SEPTIN14: variants seen among roughly 807,000 people sequenced by gnomAD.
SEPTIN14 encodes the protein septin 14.
A neutral mutation model predicts 53.6 loss-of-function variants in SEPTIN14; 40 were observed. The ratio of observed to expected loss-of-function variants is 0.75; its 90% CI spans 0.58 to 0.97. The LOEUF is 0.97. Among genes scored for constraint, SEPTIN14 ranks in the 50% least tolerant of loss-of-function variants. The pLI is 0.00. For missense variants in SEPTIN14, 471 were observed against 508.2 expected (o/e 0.93, Z 0.70); for synonymous variants, 138 against 166.8 (o/e 0.83, Z 1.33).
intron 9 of SEPTIN14, 61 bp downstream of exon 9, chr7:55,805,197 C>T (rs919039470): frequency 2.4e-5 from 35 of 1,448,378 alleles, no homozygotes; most frequent in Non-Finnish European, 3.2e-5. Flanking sequence ...GAGATTAAAA[C>T]CCCCAAATTA....
intron 9 of SEPTIN14, among the ~76,000 whole-genome samples, chr7:55,799,793 G>C (rs1483498895): frequency 6.6e-6 from 1 of 151,952 alleles, no homozygotes; most frequent in Non-Finnish European, 1.5e-5. Context: ...AGAACAGTAG[G>C]GGACTACTGT....
In SEPTIN14 at chr7:55,831,658, A is replaced by C. The variant is rs1281689729; in HGVS notation, c.720+2767T>G. ...AACTAAAGAGCACAGCAAAAGAAAT[A>C]ATCAACAGAGTAAACAGACAACCTA... On this transcript the variant is annotated intron_variant, in intron 6 of 9. Transcript: ENST00000388975. 7.9e-5 allele frequency among the ~76,000 whole-genome samples: 12 copies of C among 152,342 alleles called. No homozygotes were observed. In the South Asian group the frequency reaches 2.5e-3, roughly 32 times the overall value.
At chr7:55,798,266 T>A in intron 9 of SEPTIN14, 1 of 454,706 alleles carries the variant, frequency 2.2e-6, no homozygotes, top group Admixed American at 3.7e-5. Flanking sequence ...CTCATGAGCG[T>A]CCACCAGGTG....
chr7:55,820,743 C>A (rs541546389), intron 6 of SEPTIN14, among the ~76,000 whole-genome samples: 1 of 152,182 alleles, frequency 6.6e-6, no homozygotes, highest in Non-Finnish European at 1.5e-5. Context: ...AGTTCGAGAC[C>A]AGCCTTGCCA....
intron 6 of SEPTIN14, among the ~76,000 whole-genome samples, chr7:55,833,377 T>C (rs1450021092): frequency 6.7e-6 from 1 of 149,456 alleles, no homozygotes; most frequent in Non-Finnish European, 1.5e-5. Flanking sequence ...CACACACAAA[T>C]AGCAGAAGGA....
intron 6 of SEPTIN14, among the ~76,000 whole-genome samples, chr7:55,826,392 A>G (rs954539383): frequency 2.0e-5 from 3 of 152,220 alleles, no homozygotes; most frequent in African/African-American, 7.2e-5. Flanking sequence ...AAGACTATCA[A>G]TGGATTTCTC....
At chr7:55,804,621 T>C (rs1005750143) in intron 9 of SEPTIN14, among the ~76,000 whole-genome samples, 27 of 152,146 alleles carry the variant, frequency 1.8e-4, no homozygotes, top group African/African-American at 6.3e-4. Context: ...TAGCACCTAA[T>C]TACTACTATT....
chr7:55,823,998 T>C (rs1433332845), intron 6 of SEPTIN14, among the ~76,000 whole-genome samples: 1 of 152,014 alleles, frequency 6.6e-6, no homozygotes, highest in Non-Finnish European at 1.5e-5. Context: ...GTAAATTCTT[T>C]TATGCCTGCA....
chr7:55,838,998 T>C (rs538713648), intron 5 of SEPTIN14, among the ~76,000 whole-genome samples: 50 of 152,346 alleles, frequency 3.3e-4, no homozygotes, highest in Non-Finnish European at 4.7e-4. Flanking sequence ...CTTCTCACCC[T>C]GGATATGAAT....
chr7:55,804,206 G>A (rs1436629323), intron 9 of SEPTIN14, among the ~76,000 whole-genome samples: 1 of 146,278 alleles, frequency 6.8e-6, no homozygotes, highest in East Asian at 2.0e-4. Flanking sequence ...ATGTCATGAC[G>A]TACCCTTGTA....
At chr7:55,850,043 T>C (rs79722632) in intron 2 of SEPTIN14, among the ~76,000 whole-genome samples, 99 of 152,300 alleles carry the variant, frequency 6.5e-4, no homozygotes, top group African/African-American at 2.4e-3. Context: ...AAAGAAATCT[T>C]CAGGCCCTGC....
In SEPTIN14 at chr7:55,859,294, G is replaced by A. The variant is rs557846236; in HGVS notation, c.54+2649C>T. On this transcript the variant is annotated intron_variant, in intron 2 of 9. Transcript: ENST00000388975. ...GTTTTTTGGTATAGTATAAGATAAT[G>A]GTCCAATATCATTCTTTTGCATATA... Among the ~76,000 whole-genome samples the A allele has an allele frequency of 8.5e-5, 13 of 152,154 alleles. 1 individual carries two copies. The highest frequency in any genetic ancestry group is 2.9e-4 in the African/African-American group (12 of 41,524).
rs112357027 is a variant in SEPTIN14, at chr7:55,806,004, C to CT, written c.987-615dup. Reference sequence around the variant, plus strand: ...TTTTTGCAACACAAGTCCTATTCTTCTTTTTTTTTTGAGACAGAGTCTCTC... The same window carrying CT: ...TTTTTGCAACACAAGTCCTATTCTTCTTTTTTTTTTTGAGACAGAGTCTCTC... On this transcript the variant is annotated intron_variant, in intron 8 of 9. Coordinates refer to ENST00000388975, the MANE Select transcript of SEPTIN14 (RefSeq NM_207366.3). Among the ~76,000 whole-genome samples, 369 of 149,136 alleles carry CT rather than the reference C, an allele frequency of 2.5e-3. 2 individuals carry two copies. Among genetic ancestry groups the CT allele is most frequent in the African/African-American group, 7.2e-3 (292 of 40,824 alleles).
intron 6 of SEPTIN14, among the ~76,000 whole-genome samples, chr7:55,833,269 T>G (rs977313863): frequency 8.0e-5 from 12 of 149,432 alleles, no homozygotes; most frequent in Non-Finnish European, 1.6e-4. Context: ...GAGCTGAGAT[T>G]GCGCCACTGC....
At chr7:55,846,402 G>A in intron 3 of SEPTIN14, 115 bp downstream of exon 3, 2 of 728,788 alleles carry the variant, frequency 2.7e-6, no homozygotes, top group Non-Finnish European at 4.3e-6. Context: ...GAGAATCACT[G>A]TAAACATGAA....
intron 4 of SEPTIN14, 49 bp downstream of exon 4, chr7:55,844,474 T>C (rs771141003): frequency 1.8e-6 from 2 of 1,092,702 alleles, no homozygotes; most frequent in Non-Finnish European, 2.6e-6. Flanking sequence ...GGAAGTCAAA[T>C]TCCTTGAAAT....
Position 55,819,852 on chromosome 7 carries a change from A to C in SEPTIN14, c.721-629T>G, listed in dbSNP as rs143199915. Among the ~76,000 whole-genome samples, 169 of 152,318 alleles carry C rather than the reference A, an allele frequency of 1.1e-3. 2 individuals carry two copies. Among genetic ancestry groups the C allele is most frequent in the African/African-American group, 3.9e-3 (162 of 41,564 alleles). ...TTTACCCTGAACCATCTTTAACCTG[A>C]ATGTTGAAGAAATAACATGCAAATA... On this transcript the variant is annotated intron_variant, in intron 6 of 9. Transcript: ENST00000388975.
chr7:55,844,988 G>A (rs1789377941), intron 3 of SEPTIN14, among the ~76,000 whole-genome samples: 2 of 151,794 alleles, frequency 1.3e-5, no homozygotes, highest in African/African-American at 2.4e-5. Flanking sequence ...CATGACATGA[G>A]GGTTTGTTGT....
At chr7:55,829,074 A>G (rs1228411008) in intron 6 of SEPTIN14, among the ~76,000 whole-genome samples, 2 of 151,742 alleles carry the variant, frequency 1.3e-5, no homozygotes, top group East Asian at 3.9e-4. Flanking sequence ...TTTTGAAAAG[A>G]TAAGAAAATT....
Sources: allele counts gnomAD v4.1 joint callset (sites outside exome capture counted in the v4.1 genomes callset), GRCh38; gene constraint gnomAD v4.1.1; transcripts MANE v1.5; gene names NCBI Gene and HGNC (gene_info 2026-07-23, HGNC 2026-07-21).